MLXIPL: variants seen among roughly 807,000 people sequenced by gnomAD.
MLXIPL encodes carbohydrate-responsive element-binding protein.
In MLXIPL, 49 loss-of-function variants were observed where a neutral mutation model predicts 81.5. The observed-to-expected ratio is 0.60, with a 90% confidence interval of 0.48 to 0.76. MLXIPL has a LOEUF of 0.76. Among genes scored for constraint, MLXIPL ranks in the 30% least tolerant of loss-of-function variants. The pLI is 0.00. For synonymous variants in MLXIPL, 466 were observed against 485.5 expected (o/e 0.96, Z 0.53); for missense variants, 1,053 against 1,167.0 (o/e 0.90, Z 1.42).
At chr7:73,612,582 C>T (rs113255421) in intron 2 of MLXIPL, among the ~76,000 whole-genome samples, 4,052 of 150,322 alleles carry the variant, frequency 0.027, 216 homozygotes, top group African/African-American at 0.095. Flanking sequence ...GAGGAGGCTG[C>T]AGTGAGTCGA....
chr7:73,607,133 C>T (rs782388599), intron 4 of MLXIPL, 115 bp from the exon 5 acceptor site: 8 of 1,414,154 alleles, frequency 5.7e-6, no homozygotes, highest in Middle Eastern at 1.7e-4. Flanking sequence ...ATCAGGAGCT[C>T]ACCCGACCCC....
chr7:73,596,327 G>T lies in MLXIPL; in HGVS notation c.1938+37C>A. On this transcript the variant is annotated intron_variant, in intron 12 of 16. Transcript: ENST00000313375. This position sits in a 1 kb window ranked among gnomAD's most constrained non-coding sequence, Gnocchi z 4.7. Reference sequence around the variant, plus strand: ...GGAAGGAGCCCAGGAGGGCCTGGGGGTAGCAAACCGATCTTGGGGTGGGGG... The same window carrying T: ...GGAAGGAGCCCAGGAGGGCCTGGGGTTAGCAAACCGATCTTGGGGTGGGGG... 1 of 1,611,000 alleles carries T rather than the reference G, an allele frequency of 6.2e-7. No homozygotes were observed. Among genetic ancestry groups the T allele is most frequent in the Non-Finnish European group, 8.5e-7 (1 of 1,179,454 alleles).
the MLXIPL span, among the ~76,000 whole-genome samples, chr7:73,631,973 T>C: frequency 6.7e-6 from 1 of 149,332 alleles, no homozygotes; most frequent in East Asian, 1.9e-4. Flanking sequence ...CTTTTTTCTT[T>C]TCTCCTCTCC....
chr7:73,610,964 C>A (rs1554599597), intron 2 of MLXIPL: 1 of 151,708 alleles, frequency 6.6e-6, no homozygotes, highest in East Asian at 1.9e-4. Flanking sequence ...GCTGGGATTA[C>A]AGGTGAGCGC....
upstream of MLXIPL, among the ~76,000 whole-genome samples, chr7:73,626,997 T>C (rs1584170146): frequency 6.6e-6 from 1 of 152,178 alleles, no homozygotes; most frequent in African/African-American, 2.4e-5. Flanking sequence ...AAAGTGATTA[T>C]CCAAGGCTGC....
At chr7:73,636,264 G>A in the MLXIPL span, among the ~76,000 whole-genome samples, 1 of 152,000 alleles carries the variant, frequency 6.6e-6, no homozygotes, top group Non-Finnish European at 1.5e-5. Context: ...ACAAAAATTA[G>A]CCGGATCCGG....
In MLXIPL at chr7:73,597,482, A is replaced by G. The variant is rs1794436751; in HGVS notation, c.1303T>C (p.Phe435Leu). The G allele has an allele frequency of 7.1e-7, 1 of 1,407,540 alleles. No individual in the cohort carries two copies. The highest frequency in any genetic ancestry group is 2.7e-5 in the East Asian group (1 of 37,548). 87.2% of individuals were successfully genotyped at this position (1,407,540 alleles called of 1,614,324 possible). A position where few individuals can be genotyped will look rare whatever the true frequency, so the allele number is the denominator to read the frequency against. ...LQEEPLFSPR[F>L]PFPTVPPAPG... is the part of the protein sequence containing the mutation. ...GCAGGAGGGACGGTGGGGAAGGGAA[A>G]CCTGGGAGAGAAGAGAGGCTCTTCC... Residue 435 changes from phenylalanine to leucine, a missense_variant, in exon 9 of 17, where the codon TTT becomes CTT. Phe to Leu is a conservative substitution (Grantham distance 22). Around this residue, in one of 3 missense-constraint regions of MLXIPL, gnomAD observed 823 missense variants for 933.0 expected, o/e 0.88. Coordinates refer to ENST00000313375, the MANE Select transcript of MLXIPL (RefSeq NM_032951.3).
chr7:73,646,162 T>C, the MLXIPL span, among the ~76,000 whole-genome samples: 1 of 152,108 alleles, frequency 6.6e-6, no homozygotes, highest in Admixed American at 6.5e-5. Context: ...TAAGCTTGCA[T>C]TTAGCCACCA....
the MLXIPL span, among the ~76,000 whole-genome samples, chr7:73,640,444 C>T: frequency 6.7e-6 from 1 of 148,262 alleles, no homozygotes; most frequent in Non-Finnish European, 1.5e-5. Context: ...TGGCAAAGAA[C>T]CCTCAAAAAC....
the MLXIPL span, among the ~76,000 whole-genome samples, chr7:73,637,434 C>A: frequency 6.6e-6 from 1 of 151,388 alleles, no homozygotes; most frequent in African/African-American, 2.4e-5. Flanking sequence ...GAGATCACAC[C>A]ACTGCACTCC....
the MLXIPL span, among the ~76,000 whole-genome samples, chr7:73,643,198 C>T: frequency 4.6e-5 from 7 of 152,300 alleles, no homozygotes; most frequent in Non-Finnish European, 1.0e-4. Context: ...CTATTGTACA[C>T]AGCACATCAA....
At chr7:73,616,998 G>T (rs7793357) in intron 1 of MLXIPL, among the ~76,000 whole-genome samples, 17,644 of 151,982 alleles carry the variant, frequency 0.12, 1,367 homozygotes, top group African/African-American at 0.22. Flanking sequence ...TTTTGTTTTG[G>T]TTTGGTTTGG....
At chr7:73,630,244 G>A in the MLXIPL span, among the ~76,000 whole-genome samples, 3 of 147,840 alleles carry the variant, frequency 2.0e-5, no homozygotes, top group Non-Finnish European at 1.5e-5. Flanking sequence ...TTATCTGCCC[G>A]CCTCGGCCTC....
rs782294122 is a variant in MLXIPL, at chr7:73,593,845, G to C, written c.*20C>G. On this transcript the variant is annotated 3_prime_UTR_variant, in exon 17 of 17. Transcript: ENST00000313375. ...AGCAGCCCCCAGGGCAGCTGAGTGAGCAGCAGGGTCTGGCCAGGACTATAA... is the reference window on the plus strand; with the variant it reads ...AGCAGCCCCCAGGGCAGCTGAGTGACCAGCAGGGTCTGGCCAGGACTATAA... 1.2e-5 allele frequency: 19 copies of C among 1,597,046 alleles called. No individual in the cohort carries two copies. In the South Asian group the frequency reaches 2.1e-4, roughly 18 times the overall value.
At chr7:73,612,966 T>C (rs1246556808) in intron 2 of MLXIPL, among the ~76,000 whole-genome samples, 1 of 152,128 alleles carries the variant, frequency 6.6e-6, no homozygotes, top group Non-Finnish European at 1.5e-5. Flanking sequence ...AAGTCCTTCT[T>C]GCCCCAGGAG....
At chr7:73,636,670 G>T in the MLXIPL span, among the ~76,000 whole-genome samples, 1 of 152,164 alleles carries the variant, frequency 6.6e-6, no homozygotes, top group Non-Finnish European at 1.5e-5. Flanking sequence ...TTCTCAGAGA[G>T]TAGCCCATGG....
chr7:73,594,179 G>A, intron 16 of MLXIPL, 95 bp downstream of exon 16: 1 of 1,579,272 alleles, frequency 6.3e-7, no homozygotes, highest in South Asian at 1.1e-5. Context: ...AGGCTGTGTT[G>A]ATGGCAAGCT....
Position 73,601,405 on chromosome 7 carries a change from T to C in MLXIPL, c.902-1710A>G, listed in dbSNP as rs369691208. ...ACAGGAACCCCAGGAAGCAGTCCCC[T>C]CCCCTGCACAGCACCAGGCTTAGCT... is the stretch of plus-strand genomic sequence containing the variant. On this transcript the variant is annotated intron_variant, in intron 7 of 16. Transcript: ENST00000313375. 3.9e-5 allele frequency among the ~76,000 whole-genome samples: 6 copies of C among 151,954 alleles called. No homozygotes were observed. The East Asian group carries it at 9.8e-4, about 25-fold the overall frequency.
chr7:73,603,252 G>A (rs782539440), intron 7 of MLXIPL, among the ~76,000 whole-genome samples: 2 of 152,086 alleles, frequency 1.3e-5, no homozygotes, highest in Admixed American at 6.5e-5. Flanking sequence ...GATAAGAGAG[G>A]GCCACACGAG....
Sources: allele counts gnomAD v4.1 joint callset (sites outside exome capture counted in the v4.1 genomes callset), GRCh38; gene constraint gnomAD v4.1.1; regional missense constraint gnomAD v4.1.1; non-coding constraint Gnocchi (gnomAD v3.1); transcripts MANE v1.5; gene names NCBI Gene and HGNC (gene_info 2026-07-23, HGNC 2026-07-21).